The following GOLGA3 variants were observed in gnomAD, a reference collection of about 807,000 sequenced individuals.
The protein encoded by GOLGA3 is golgin subfamily A member 3.
Under a neutral mutation model 169.4 loss-of-function variants are expected in GOLGA3, and 75 were observed. The ratio of observed to expected loss-of-function variants is 0.44; its 90% CI spans 0.37 to 0.54. GOLGA3 has a LOEUF of 0.54. Ranked by LOEUF, GOLGA3 falls within the 20% of genes least tolerant of loss-of-function variation. The pLI is 0.00. For synonymous variants in GOLGA3, 824 were observed against 822.4 expected (o/e 1.00, Z -0.03); for missense variants, 1,899 against 1,930.0 (o/e 0.98, Z 0.30).
intron 10 of GOLGA3, 125 bp downstream of exon 10, chr12:132,796,414 G>A: frequency 8.0e-7 from 1 of 1,243,124 alleles, no homozygotes; most frequent in Non-Finnish European, 1.1e-6. Flanking sequence ...CTGACCGACA[G>A]CCCAACTCCC....
rs997219729 is a variant in GOLGA3, at chr12:132,769,451, G to A, written c.*3654C>T. The A allele has an allele frequency of 9.9e-5, 15 of 152,242 alleles. No individual in the cohort carries two copies. The highest frequency in any genetic ancestry group is 3.6e-4 in the African/African-American group (15 of 41,454). The allele number at this position is 152,242 out of a possible 1,614,324, so 9.4% of individuals were successfully genotyped here. A position where few individuals can be genotyped will look rare whatever the true frequency, so the allele number is the denominator to read the frequency against. On this transcript the variant is annotated 3_prime_UTR_variant, in exon 24 of 24. Coordinates refer to ENST00000450791, the MANE Select transcript of GOLGA3 (RefSeq NM_001389683.1). ...GCACAGCACGGACTGTGTTCTGGTGGGCAGGGCCCCTGCTGGACCCACCCG... is the reference window on the plus strand; with the variant it reads ...GCACAGCACGGACTGTGTTCTGGTGAGCAGGGCCCCTGCTGGACCCACCCG...
In GOLGA3 at chr12:132,777,512, G is replaced by C. The variant is rs963085049; in HGVS notation, c.3722+154C>G. 1.3e-5 allele frequency among the ~76,000 whole-genome samples: 2 copies of C among 152,256 alleles called. No homozygotes were observed. Among genetic ancestry groups the C allele is most frequent in the African/African-American group, 4.8e-5 (2 of 41,472 alleles). ...AGTGAGTGAGGCTCAGGATTCTGGAGACGGAGGCTGGGTGCCTTCTACTCC... is the reference window on the plus strand; with the variant it reads ...AGTGAGTGAGGCTCAGGATTCTGGACACGGAGGCTGGGTGCCTTCTACTCC... On this transcript the variant is annotated intron_variant, in intron 19 of 23. Coordinates refer to ENST00000450791, the MANE Select transcript of GOLGA3 (RefSeq NM_001389683.1). The surrounding 1 kb of genome is among the most constrained non-coding windows in gnomAD (Gnocchi z 4.7).
chr12:132,786,253 G>T, intron 15 of GOLGA3, 86 bp downstream of exon 15: 2 of 948,252 alleles, frequency 2.1e-6, no homozygotes, highest in Non-Finnish European at 3.2e-6. Context: ...GCCCCGCTAG[G>T]CTTTAGGGGA....
Position 132,777,882 on chromosome 12 carries a change from A to T in GOLGA3, c.3583-77T>A. On this transcript the variant is annotated intron_variant, in intron 18 of 23. Transcript: ENST00000450791. The surrounding 1 kb of genome is among the most constrained non-coding windows in gnomAD (Gnocchi z 4.7). ...TATGACGTGCCGGGCGCAGGGGGTG[A>T]ATGCACTCCCGGCCCCGTGCATGTC... 6.6e-7 allele frequency: 1 copy of T among 1,509,194 alleles called. No individual in the cohort carries two copies. Among genetic ancestry groups the T allele is most frequent in the Non-Finnish European group, 9.0e-7 (1 of 1,106,676 alleles). 93.5% of individuals were successfully genotyped at this position (1,509,194 alleles called of 1,614,324 possible).
In GOLGA3 at chr12:132,774,149, G is replaced by A. The variant is rs1341636357; in HGVS notation, c.4307+8C>T. ...CTAGCTGAAGTGCAGCACGGAATAC[G>A]GTCGTACTTGAGCTGCTGGAGGCAG... On this transcript the variant is annotated splice_region_variant and intron_variant, in intron 23 of 23. Coordinates refer to ENST00000450791, the MANE Select transcript of GOLGA3 (RefSeq NM_001389683.1). 26 of 1,582,214 alleles carry A rather than the reference G, an allele frequency of 1.6e-5. No individual in the cohort carries two copies. Among genetic ancestry groups the A allele is most frequent in the Middle Eastern group, 1.7e-4 (1 of 5,898 alleles).
At chr12:132,793,003 G>C (rs59033260) in intron 11 of GOLGA3, among the ~76,000 whole-genome samples, 8,221 of 64,742 alleles carry the variant, frequency 0.13, 1,286 homozygotes, top group Non-Finnish European at 0.2. Flanking sequence ...CACACAGACA[G>C]ACCGCACGGG....
chr12:132,818,774 C>G (rs1950093517), intron 2 of GOLGA3, among the ~76,000 whole-genome samples: 1 of 151,996 alleles, frequency 6.6e-6, no homozygotes, highest in African/African-American at 2.4e-5. Flanking sequence ...GACCCTAAGG[C>G]GAAGAGGTGG....
In GOLGA3 at chr12:132,808,144, C is replaced by T; in HGVS notation, c.925G>A (p.Glu309Lys). ...CTGTCGCTGTCATTTCCATCCACCT[C>T]AGACACGCTGTCTCCAGCCAGGGAG... is the stretch of plus-strand genomic sequence containing the variant. ...NTSLAGDSVS[E>K]VDGNDSDSSS... The change falls in exon 5 of 24, where the codon GAG becomes AAG. Residue 309 changes from glutamate to lysine, a missense_variant. Coordinates refer to ENST00000450791, the MANE Select transcript of GOLGA3 (RefSeq NM_001389683.1). The T allele has an allele frequency of 6.2e-7, 1 of 1,611,284 alleles. No individual in the cohort carries two copies. Among genetic ancestry groups the T allele is most frequent in the East Asian group, 2.2e-5 (1 of 44,802 alleles).
intron 1 of GOLGA3, chr12:132,825,932 A>G (rs750843413): frequency 1.3e-4 from 121 of 951,024 alleles, no homozygotes; most frequent in Middle Eastern, 5.7e-4. Context: ...TGGCGTGGTG[A>G]CCAAGATGAA....
intron 1 of GOLGA3, chr12:132,828,535 G>C (rs1014214384): frequency 1.3e-5 from 2 of 152,342 alleles, no homozygotes; most frequent in Non-Finnish European, 2.9e-5. Flanking sequence ...GGGACAGGCC[G>C]CGCTCGTCGG....
chr12:132,802,947 A>G (rs1471420515), intron 7 of GOLGA3, among the ~76,000 whole-genome samples: 4 of 151,946 alleles, frequency 2.6e-5, no homozygotes, highest in Non-Finnish European at 5.9e-5. Flanking sequence ...ACCAGCTACT[A>G]GGGAGGCTGA....
At chr12:132,818,827 C>T (rs1950095676) in intron 2 of GOLGA3, among the ~76,000 whole-genome samples, 1 of 152,060 alleles carries the variant, frequency 6.6e-6, no homozygotes, top group Non-Finnish European at 1.5e-5. Flanking sequence ...CAGCCCAGAA[C>T]CGCGCTTCTG....
At position 132,816,592 on chromosome 12, in the gene GOLGA3, T is replaced by C; in HGVS notation, c.354A>G (p.Lys118=). ...TGAGTCTGAGAGACTGCAAAGCTTC[T>C]TTTCTAACACTGCCCTCAGCACTAG... is the stretch of plus-strand genomic sequence containing the variant. The part of the protein sequence containing the change: ...QGTSAEGSVR[K]EALQSLRLSL... The change falls in exon 3 of 24, where the codon AAA becomes AAG. Residue 118 remains lysine, a synonymous_variant. Coordinates refer to ENST00000450791, the MANE Select transcript of GOLGA3 (RefSeq NM_001389683.1). 1 of 1,614,140 alleles carries C rather than the reference T, an allele frequency of 6.2e-7. No individual in the cohort carries two copies. Among genetic ancestry groups the C allele is most frequent in the Non-Finnish European group, 8.5e-7 (1 of 1,179,990 alleles).
At chr12:132,802,222 C>T (rs1949160568) in intron 7 of GOLGA3, among the ~76,000 whole-genome samples, 1 of 152,260 alleles carries the variant, frequency 6.6e-6, no homozygotes, top group African/African-American at 2.4e-5. Context: ...ACCAGCTCAT[C>T]AATACATAAC....
chr12:132,798,576 G>C (rs1039411548), intron 8 of GOLGA3, 99 bp from the exon 9 acceptor site: 1 of 901,122 alleles, frequency 1.1e-6, no homozygotes, highest in Non-Finnish European at 1.6e-6. Flanking sequence ...GTCACTGGCT[G>C]CCCCCTCAGT....
Position 132,822,249 on chromosome 12 carries a change from T to A in GOLGA3, c.-121A>T, listed in dbSNP as rs539211224. 2 of 1,418,930 alleles carry A rather than the reference T, an allele frequency of 1.4e-6. No homozygotes were observed. The highest frequency in any genetic ancestry group is 5.9e-5 in the East Asian group (2 of 33,648). The allele number at this position is 1,418,930 out of a possible 1,614,324, so 87.9% of individuals were successfully genotyped here. A position where few individuals can be genotyped will look rare whatever the true frequency, so the allele number is the denominator to read the frequency against. ...GGAGGGGCCCTACTGTGTCTCCCAT[T>A]TTCAGGAGAAGATCTGATGACTCAC... On this transcript the variant is annotated 5_prime_UTR_variant, in exon 2 of 24. Coordinates refer to ENST00000450791, the MANE Select transcript of GOLGA3 (RefSeq NM_001389683.1).
rs1478378733 is a variant in GOLGA3 at position 132,808,979 on chromosome 12, C to T, written c.520-430G>A. On this transcript the variant is annotated intron_variant, in intron 4 of 23. Transcript: ENST00000450791. ...GCCTGGGGGACCACTACCACCAATG[C>T]GCGGAGACCGGTAGTGGCCCTGAAT... Among the ~76,000 whole-genome samples, 5 of 152,294 alleles carry T rather than the reference C, an allele frequency of 3.3e-5. No individual in the cohort carries two copies. In the Middle Eastern group the frequency reaches 0.01, roughly 311 times the overall value.
rs958931931 is a variant in GOLGA3 at position 132,814,878 on chromosome 12, G to A, written c.407-1459C>T. On this transcript the variant is annotated intron_variant, in intron 3 of 23. Transcript: ENST00000450791. ...AAAGAGTTGCATGGTACGTGCCAACGTGTTATAGTTACAAACCCAGGGCTC... is the reference window on the plus strand; with the variant it reads ...AAAGAGTTGCATGGTACGTGCCAACATGTTATAGTTACAAACCCAGGGCTC... 2.0e-5 allele frequency among the ~76,000 whole-genome samples: 3 copies of A among 152,334 alleles called. No homozygotes were observed. The South Asian group carries it at 6.2e-4, about 32-fold the overall frequency.
At chr12:132,794,852 G>A (rs940360075) in intron 11 of GOLGA3, among the ~76,000 whole-genome samples, 3 of 152,186 alleles carry the variant, frequency 2.0e-5, no homozygotes, top group Non-Finnish European at 2.9e-5. Context: ...CAGAAAGGAG[G>A]GAAAACAGGC....
Sources: gnomAD v4.1 joint callset for allele counts (sites outside exome capture counted in the v4.1 genomes callset) on GRCh38, gnomAD v4.1.1 for gene constraint, Gnocchi (gnomAD v3.1) non-coding constraint, MANE v1.5 for transcripts, NCBI Gene and HGNC (gene_info 2026-07-23, HGNC 2026-07-21) for gene names.